CGNL1: variants seen among roughly 807,000 people sequenced by gnomAD.
CGNL1 encodes cingulin like 1, also known as cingulin-like protein 1.
Under a neutral mutation model 141.2 loss-of-function variants are expected in CGNL1, and 132 were observed. That is an observed-to-expected ratio of 0.93 (90% CI 0.81 to 1.08). The LOEUF (loss-of-function observed/expected upper bound fraction) is 1.08, where lower values mean the gene tolerates loss of function less well. Among genes scored for constraint, CGNL1 ranks in the 50% least tolerant of loss-of-function variants. The probability of loss-of-function intolerance (pLI) is 0.00; values close to 1 mark genes in which losing one functional copy is unlikely to be tolerated. For missense variants in CGNL1, 1,870 were observed against 1,588.6 expected, an observed-to-expected ratio of 1.18 and a Z score of -3.01; for synonymous variants, 690 against 622.1, an observed-to-expected ratio of 1.11 and a Z score of -1.63.
chr15:57,489,133 A>G (rs1014061045), intron 8 of CGNL1, among the ~76,000 whole-genome samples: 1 of 152,262 alleles, frequency 6.6e-6, no homozygotes, highest in Non-Finnish European at 1.5e-5. Context: ...ACTATATAAT[A>G]GAATTAAACA....
At chr15:57,543,144 C>T (rs1307218673) in intron 14 of CGNL1, among the ~76,000 whole-genome samples, 1 of 152,154 alleles carries the variant, frequency 6.6e-6, no homozygotes, top group South Asian at 2.1e-4. Flanking sequence ...GATTCCTTGC[C>T]TCCTCCTAGC....
At position 57,524,567 on chromosome 15, in the gene CGNL1, G is replaced by A. The variant is rs1237463530; in HGVS notation, c.2869-14G>A. Reference sequence around the variant, plus strand: ...CATCCCAGGGTGGGCTCACACCCGTGTCACTTCTTCTAGATGGCAGACATT... The same window carrying A: ...CATCCCAGGGTGGGCTCACACCCGTATCACTTCTTCTAGATGGCAGACATT... On this transcript the variant is annotated splice_polypyrimidine_tract_variant and intron_variant, in intron 11 of 18. Coordinates refer to ENST00000281282, the MANE Select transcript of CGNL1 (RefSeq NM_032866.5). 1.9e-6 allele frequency: 3 copies of A among 1,608,890 alleles called. No individual in the cohort carries two copies. Among genetic ancestry groups the A allele is most frequent in the Non-Finnish European group, 1.7e-6 (2 of 1,177,848 alleles).
intron 8 of CGNL1, among the ~76,000 whole-genome samples, chr15:57,512,083 G>A (rs1208297875): frequency 6.6e-6 from 1 of 152,080 alleles, no homozygotes; most frequent in African/African-American, 2.4e-5. Context: ...CTCTGTCTTG[G>A]TGCAGTTCTG....
chr15:57,511,623 G>T (rs1295430415), intron 8 of CGNL1, among the ~76,000 whole-genome samples: 1 of 152,200 alleles, frequency 6.6e-6, no homozygotes, highest in Non-Finnish European at 1.5e-5. Context: ...TACACATACT[G>T]TGTTATCAAA....
At chr15:57,476,188 AG>A (rs1206193538) in intron 8 of CGNL1, among the ~76,000 whole-genome samples, 3 of 152,104 alleles carry the variant, frequency 2.0e-5, no homozygotes, top group Non-Finnish European at 4.4e-5. Flanking sequence ...AGTTCGGAAA[AG>A]GGTGACTTTG....
At chr15:57,546,632 G>C (rs1219602977) in intron 18 of CGNL1, among the ~76,000 whole-genome samples, 1 of 152,190 alleles carries the variant, frequency 6.6e-6, no homozygotes, top group Non-Finnish European at 1.5e-5. Context: ...AAGAGGACTA[G>C]GATTCCCCAA....
intron 14 of CGNL1, among the ~76,000 whole-genome samples, chr15:57,540,325 T>G (rs1312585483): frequency 6.6e-6 from 1 of 152,166 alleles, no homozygotes; most frequent in Non-Finnish European, 1.5e-5. Context: ...TGATCATGGC[T>G]GAAGGTGAAT....
At chr15:57,406,628 C>T (rs988041840) in intron 1 of CGNL1, among the ~76,000 whole-genome samples, 1 of 152,098 alleles carries the variant, frequency 6.6e-6, no homozygotes, top group Non-Finnish European at 1.5e-5. Context: ...AACTGAAAGC[C>T]TGGAGTGAAT....
intron 8 of CGNL1, among the ~76,000 whole-genome samples, chr15:57,507,083 C>A (rs1206635381): frequency 6.6e-6 from 1 of 152,174 alleles, no homozygotes; most frequent in African/African-American, 2.4e-5. Context: ...CTGAATTCCC[C>A]CTTTCCCTCA....
At chr15:57,392,581 C>A (rs1239945378) in intron 1 of CGNL1, among the ~76,000 whole-genome samples, 4 of 152,196 alleles carry the variant, frequency 2.6e-5, no homozygotes, top group African/African-American at 7.2e-5. Context: ...CATTTCCTAC[C>A]TTTTCCTTGA....
intron 8 of CGNL1, among the ~76,000 whole-genome samples, chr15:57,484,891 T>C (rs1454064123): frequency 6.6e-6 from 1 of 152,138 alleles, no homozygotes. Context: ...TATGAACTCA[T>C]TCTTTTAAAA....
rs527862038 is a variant in CGNL1 at position 57,528,307 on chromosome 15, A to T, written c.3040-347A>T. Reference sequence around the variant, plus strand: ...TATCTTGCAACCCAGGAATACACGCATCTGCACAAATATATGAATGTCTAG... The same window carrying T: ...TATCTTGCAACCCAGGAATACACGCTTCTGCACAAATATATGAATGTCTAG... On this transcript the variant is annotated intron_variant, in intron 12 of 18. Transcript: ENST00000281282. Among the ~76,000 whole-genome samples the T allele has an allele frequency of 4.1e-3, 621 of 152,306 alleles. 4 individuals carry two copies. Among genetic ancestry groups the T allele is most frequent in the African/African-American group, 0.015 (604 of 41,570 alleles).
intron 14 of CGNL1, among the ~76,000 whole-genome samples, chr15:57,536,034 G>A (rs1308135083): frequency 2.6e-5 from 4 of 152,230 alleles, no homozygotes; most frequent in Non-Finnish European, 4.4e-5. Context: ...ATAGAGGAAA[G>A]AGGTTTAATG....
chr15:57,496,280 A>G (rs190449977), intron 8 of CGNL1, among the ~76,000 whole-genome samples: 110 of 152,328 alleles, frequency 7.2e-4, no homozygotes, highest in African/African-American at 2.5e-3. Flanking sequence ...GAGAAGATCA[A>G]GAGTTGTGCT....
intron 1 of CGNL1, among the ~76,000 whole-genome samples, chr15:57,382,009 C>T (rs2062430507): frequency 6.6e-6 from 1 of 152,164 alleles, no homozygotes; most frequent in Non-Finnish European, 1.5e-5. Context: ...TCAAGTTCTG[C>T]AAACCTCTGA....
chr15:57,451,031 G>A (rs1166447458), intron 4 of CGNL1, among the ~76,000 whole-genome samples: 1 of 151,824 alleles, frequency 6.6e-6, no homozygotes, highest in African/African-American at 2.4e-5. Context: ...AAAAATGACT[G>A]TCTTTACTTA....
At chr15:57,481,182 A>C (rs187282646) in intron 8 of CGNL1, among the ~76,000 whole-genome samples, 1 of 151,520 alleles carries the variant, frequency 6.6e-6, no homozygotes, top group African/African-American at 2.4e-5. Context: ...ATACAGCTAG[A>C]TGCCATATAC....
intron 1 of CGNL1, among the ~76,000 whole-genome samples, chr15:57,403,050 C>T (rs917643424): frequency 1.3e-5 from 2 of 152,180 alleles, no homozygotes; most frequent in African/African-American, 4.8e-5. Context: ...CAGAAAAGGC[C>T]ACCATTGAAT....
chr15:57,491,899 T>C (rs1226153626), intron 8 of CGNL1, among the ~76,000 whole-genome samples: 1 of 152,164 alleles, frequency 6.6e-6, no homozygotes, highest in Non-Finnish European at 1.5e-5. Flanking sequence ...GCCCAGTATA[T>C]GTAACTCCTG....
Sources: gnomAD v4.1 joint callset for allele counts (sites outside exome capture counted in the v4.1 genomes callset) on GRCh38, gnomAD v4.1.1 for gene constraint, MANE v1.5 for transcripts, NCBI Gene and HGNC (gene_info 2026-07-23, HGNC 2026-07-21) for gene names.